Variants in SLC25A13 observed in about 807,000 individuals in gnomAD.
The protein encoded by SLC25A13 is electrogenic aspartate/glutamate antiporter SLC25A13, mitochondrial.
A neutral mutation model predicts 85.5 loss-of-function variants in SLC25A13; 70 were observed. The observed-to-expected ratio is 0.82, with a 90% CI of 0.68 to 1.00. The LOEUF is 1.00. Among genes scored for constraint, SLC25A13 ranks in the 50% least tolerant of loss-of-function variants. The pLI is 0.00. For synonymous variants in SLC25A13, 259 were observed against 288.7 expected (o/e 0.90, Z 1.04); for missense variants, 765 against 819.8 (o/e 0.93, Z 0.82).
chr7:96,219,087 T>C (rs1352194315), intron 4 of SLC25A13, among the ~76,000 whole-genome samples: 1 of 152,184 alleles, frequency 6.6e-6, no homozygotes, highest in Non-Finnish European at 1.5e-5. Flanking sequence ...ACAAGTGCCT[T>C]TTTACATTAA....
At chr7:96,154,633 GCA>G (rs1171467145) in intron 13 of SLC25A13, among the ~76,000 whole-genome samples, 2 of 151,966 alleles carry the variant, frequency 1.3e-5, no homozygotes, top group African/African-American at 4.8e-5. Context: ...GTGCTACTTT[GCA>G]CACAGTCAAT....
intron 12 of SLC25A13, among the ~76,000 whole-genome samples, chr7:96,170,453 C>T (rs2116578186): frequency 6.6e-6 from 1 of 152,278 alleles, no homozygotes; most frequent in Middle Eastern, 3.4e-3. Flanking sequence ...ATACATCTTA[C>T]AACTTAAAAC....
In SLC25A13 at chr7:96,134,858, T is replaced by G. The variant is rs116294656; in HGVS notation, c.1453-2977A>C. ...ATTGCAACACTAAAGGAAAAATGCC[T>G]AGAAATGGGTTGTATTTCGTTTTCC... On this transcript the variant is annotated intron_variant, in intron 14 of 17. Coordinates refer to ENST00000265631, the MANE Select transcript of SLC25A13 (RefSeq NM_014251.3). Among the ~76,000 whole-genome samples the G allele has an allele frequency of 9.5e-3, 1,365 of 143,276 alleles. 26 individuals are homozygous for G. The highest frequency in any genetic ancestry group is 0.034 in the African/African-American group (1,311 of 38,196). The allele number at this position is 143,276 out of a possible 152,430, so 94.0% of individuals were successfully genotyped here. A position where few individuals can be genotyped will look rare whatever the true frequency, so the allele number is the denominator to read the frequency against.
chr7:96,296,173 A>G (rs568497771), intron 2 of SLC25A13, among the ~76,000 whole-genome samples: 2 of 152,178 alleles, frequency 1.3e-5, no homozygotes, highest in East Asian at 3.9e-4. Context: ...AAGTGATGAT[A>G]ATGATGATGA....
intron 2 of SLC25A13, among the ~76,000 whole-genome samples, chr7:96,287,782 C>T (rs1798946954): frequency 6.6e-6 from 1 of 152,216 alleles, no homozygotes; most frequent in Non-Finnish European, 1.5e-5. Context: ...AGGATGCCCA[C>T]CACTCTTGCT....
chr7:96,221,104 A>G (rs924010782), intron 4 of SLC25A13, among the ~76,000 whole-genome samples: 4 of 152,158 alleles, frequency 2.6e-5, no homozygotes, highest in South Asian at 2.1e-4. Context: ...TGATACTACT[A>G]TCTTTCAAAA....
chr7:96,244,460 A>G (rs997343487), intron 3 of SLC25A13, among the ~76,000 whole-genome samples: 1 of 152,240 alleles, frequency 6.6e-6, no homozygotes, highest in African/African-American at 2.4e-5. Flanking sequence ...CCAATCTTCT[A>G]AAAACCATCA....
rs915997896 is a variant in SLC25A13 at position 96,314,380 on chromosome 7, A to G, written c.15+7562T>C. On this transcript the variant is annotated intron_variant, in intron 1 of 17. Transcript: ENST00000265631. ...CATTTAATTTAGTTCATTTCACCCA[A>G]TTAGAGGGTCTGTCTGGTTAAACAG... Among the ~76,000 whole-genome samples, 7 of 152,252 alleles carry G rather than the reference A, an allele frequency of 4.6e-5. No homozygotes were observed. In the East Asian group the frequency reaches 9.7e-4, roughly 21 times the overall value.
At chr7:96,126,410 G>A (rs1791728951) in intron 15 of SLC25A13, among the ~76,000 whole-genome samples, 1 of 152,092 alleles carries the variant, frequency 6.6e-6, no homozygotes, top group South Asian at 2.1e-4. Context: ...TCCTCTCTAG[G>A]GAAGTGGTCT....
intron 2 of SLC25A13, among the ~76,000 whole-genome samples, chr7:96,295,453 T>C (rs1053977547): frequency 8.5e-5 from 13 of 152,222 alleles, no homozygotes; most frequent in Non-Finnish European, 1.6e-4. Flanking sequence ...GTTATCATCA[T>C]ACTGCCTACT....
At chr7:96,293,815 C>T (rs1376896101) in intron 2 of SLC25A13, among the ~76,000 whole-genome samples, 2 of 152,170 alleles carry the variant, frequency 1.3e-5, no homozygotes, top group Non-Finnish European at 2.9e-5. Flanking sequence ...AATAGGAACA[C>T]TTTTACACTG....
At chr7:96,123,351 T>C (rs184585169) in intron 15 of SLC25A13, among the ~76,000 whole-genome samples, 11 of 152,290 alleles carry the variant, frequency 7.2e-5, no homozygotes, top group African/African-American at 2.6e-4. Context: ...CTTCCTGGTT[T>C]AGAAAGAGTT....
intron 9 of SLC25A13, among the ~76,000 whole-genome samples, chr7:96,186,363 A>G (rs1312760440): frequency 6.6e-6 from 1 of 152,190 alleles, no homozygotes; most frequent in African/African-American, 2.4e-5. Context: ...TGGGAGGCGG[A>G]GGCTGCAGTG....
chr7:96,147,229 GTTA>G (rs984290673), intron 13 of SLC25A13, among the ~76,000 whole-genome samples: 54 of 152,198 alleles, frequency 3.5e-4, no homozygotes, highest in African/African-American at 1.3e-3. Flanking sequence ...TTAGATGAAA[GTTA>G]TTATTTTTTT....
intron 4 of SLC25A13, among the ~76,000 whole-genome samples, chr7:96,214,255 G>C (rs1056845549): frequency 2.0e-5 from 3 of 152,158 alleles, no homozygotes; most frequent in African/African-American, 4.8e-5. Context: ...ATAGTGAAAA[G>C]AGTTGAGACC....
intron 15 of SLC25A13, among the ~76,000 whole-genome samples, chr7:96,128,918 A>G (rs977120803): frequency 1.4e-4 from 20 of 145,042 alleles, no homozygotes; most frequent in African/African-American, 4.6e-4. Flanking sequence ...CATAGAAGAC[A>G]CTGCAGCTTC....
At chr7:96,224,034 A>AC (rs1420385093) in intron 4 of SLC25A13, among the ~76,000 whole-genome samples, 3 of 151,950 alleles carry the variant, frequency 2.0e-5, no homozygotes, top group Non-Finnish European at 1.5e-5. Flanking sequence ...AATGTTTTGC[A>AC]CCCCCCGCAA....
chr7:96,221,935 G>T (rs1364221761), intron 4 of SLC25A13, among the ~76,000 whole-genome samples: 2 of 152,302 alleles, frequency 1.3e-5, no homozygotes, highest in East Asian at 3.9e-4. Context: ...TTAGAATTAA[G>T]AATTAACTAG....
At chr7:96,153,324 A>C (rs1793121915) in intron 13 of SLC25A13, among the ~76,000 whole-genome samples, 1 of 152,260 alleles carries the variant, frequency 6.6e-6, no homozygotes, top group Non-Finnish European at 1.5e-5. Flanking sequence ...CTTCAGAATC[A>C]ATAGTAAAAT....
Sources: gnomAD v4.1 joint callset for allele counts (sites outside exome capture counted in the v4.1 genomes callset) on GRCh38, gnomAD v4.1.1 for gene constraint, MANE v1.5 for transcripts, NCBI Gene and HGNC (gene_info 2026-07-23, HGNC 2026-07-21) for gene names.